The following PAK4 variants were observed in gnomAD, a reference collection of about 807,000 sequenced individuals.
PAK4 encodes the protein serine/threonine-protein kinase PAK 4.
Under a neutral mutation model 53.5 loss-of-function variants are expected in PAK4, and 49 were observed. The ratio of observed to expected loss-of-function variants is 0.92; its 90% confidence interval spans 0.73 to 1.16. The LOEUF (loss-of-function observed/expected upper bound fraction) is 1.16, where lower values mean the gene tolerates loss of function less well. PAK4 is among the 50% of genes most tolerant of loss of function. The probability of loss-of-function intolerance (pLI) is 0.00; values close to 1 mark genes in which losing one functional copy is unlikely to be tolerated. For synonymous variants in PAK4, 376 were observed against 375.6 expected (o/e 1.00, Z -0.01); for missense variants, 824 against 850.7 (o/e 0.97, Z 0.39).
chr19:39,173,652 C>T lies in PAK4; in HGVS notation c.740C>T (p.Ser247Phe), dbSNP rs765800551. 43 of 1,580,528 alleles carry T rather than the reference C, an allele frequency of 2.7e-5. No individual in the cohort carries two copies. In the African/African-American group the frequency reaches 4.6e-4, roughly 17 times the overall value. The stretch of plus-strand genomic sequence containing the variant: ...ATCCCCCAGTCCTCCTCCTCCTCCT[C>T]CCGGCCTCCCACCCGAGCCCGAGGT... Residue 247 changes from serine (S) to phenylalanine (F), a missense_variant, in exon 4 of 9, where the codon TCC becomes TTC. Ser to Phe is a radical substitution (Grantham distance 155). Transcript: ENST00000358301. This position sits in a 1 kb window ranked among gnomAD's most constrained non-coding sequence, Gnocchi z 6.9.
rs371969916 is a variant in PAK4 at position 39,126,185 on chromosome 19, C to T, written c.-23+266C>T. Among the ~76,000 whole-genome samples, 17 of 152,008 alleles carry T rather than the reference C, an allele frequency of 1.1e-4. No homozygotes were observed. The South Asian group carries it at 2.7e-3, about 24-fold the overall frequency. ...CGTTCGAGGGGTTCTGGGCGAGTCT[C>T]AAAAAAGGCAGGGTCAAAGTTAATA... is the stretch of plus-strand genomic sequence containing the variant. On this transcript the variant is annotated intron_variant, in intron 1 of 8. Transcript: ENST00000358301.
chr19:39,136,826 C>T (rs1364379708), intron 1 of PAK4, among the ~76,000 whole-genome samples: 1 of 152,188 alleles, frequency 6.6e-6, no homozygotes, highest in Non-Finnish European at 1.5e-5. Flanking sequence ...GGGGACCCGC[C>T]CTGGGTGGGG....
intron 1 of PAK4, among the ~76,000 whole-genome samples, chr19:39,158,124 C>T (rs555408411): frequency 1.8e-3 from 262 of 149,382 alleles, no homozygotes; most frequent in African/African-American, 5.8e-3. Flanking sequence ...TGTGTGAGTG[C>T]GTGCGTGCAT....
intron 1 of PAK4, among the ~76,000 whole-genome samples, chr19:39,136,014 G>A (rs1341108385): frequency 3.2e-5 from 3 of 93,594 alleles, no homozygotes; most frequent in South Asian, 4.3e-4. Context: ...CCCCTTCTTC[G>A]TCACCCCCCT....
At chr19:39,179,801 G>A (rs755594516), downstream of PAK4, 5 of 152,282 alleles carry the variant, frequency 3.3e-5, no homozygotes, top group Non-Finnish European at 5.9e-5. Flanking sequence ...GATTGACTGA[G>A]GCTGACTGGC....
intron 1 of PAK4, among the ~76,000 whole-genome samples, chr19:39,126,796 C>G (rs1232544394): frequency 6.6e-6 from 1 of 152,166 alleles, no homozygotes; most frequent in Non-Finnish European, 1.5e-5. Flanking sequence ...CCTGTGTGCC[C>G]GGTCGTATTT....
chr19:39,176,419 G>T (rs1439362660), intron 6 of PAK4, 171 bp from the exon 8 acceptor site: 19 of 810,028 alleles, frequency 2.3e-5, no homozygotes, highest in Non-Finnish European at 3.8e-5. Context: ...CCAGGAGGTG[G>T]TGGAGCTCCC....
At chr19:39,160,128 A>G (rs927638765) in intron 1 of PAK4, among the ~76,000 whole-genome samples, 1 of 152,196 alleles carries the variant, frequency 6.6e-6, no homozygotes, top group African/African-American at 2.4e-5. Context: ...CTTGCTGAAC[A>G]GCCAGATTCA....
intron 1 of PAK4, among the ~76,000 whole-genome samples, chr19:39,144,779 A>AGT (rs3057072): frequency 0.23 from 34,771 of 151,418 alleles, 4,317 homozygotes; most frequent in East Asian, 0.45. Flanking sequence ...CATGTGTGTG[A>AGT]GTGTGTGTGT....
At chr19:39,176,933 A>G (rs1284524607) in intron 7 of PAK4, among the ~76,000 whole-genome samples, 2 of 151,616 alleles carry the variant, frequency 1.3e-5, no homozygotes, top group Admixed American at 6.6e-5. Flanking sequence ...CAGTGGTGCA[A>G]TCTCAGCTCA....
chr19:39,152,898 A>G (rs1434619727), intron 1 of PAK4, among the ~76,000 whole-genome samples: 2 of 152,084 alleles, frequency 1.3e-5, no homozygotes, highest in African/African-American at 2.4e-5. Flanking sequence ...CATTCAACCA[A>G]CGAAGGACTG....
Position 39,133,345 on chromosome 19 carries a change from C to T in PAK4, c.-23+7426C>T, listed in dbSNP as rs145966556. Among the ~76,000 whole-genome samples the T allele has an allele frequency of 1.1e-4, 17 of 152,304 alleles. No individual in the cohort carries two copies. The East Asian group carries it at 3.3e-3, about 29-fold the overall frequency. ...AATATTATAGCTATGTCACCAATAG[C>T]CATGTTATTAATATGAGCAGGCACT... On this transcript the variant is annotated intron_variant, in intron 1 of 8. Transcript: ENST00000358301.
intron 1 of PAK4, among the ~76,000 whole-genome samples, chr19:39,132,183 C>T (rs1348761358): frequency 1.3e-5 from 2 of 152,192 alleles, no homozygotes; most frequent in Admixed American, 1.3e-4. Flanking sequence ...TGTTTTTAAC[C>T]TCGTTTCTCT....
intron 1 of PAK4, among the ~76,000 whole-genome samples, chr19:39,150,873 T>C (rs1164473900): frequency 6.6e-6 from 1 of 152,246 alleles, no homozygotes; most frequent in Non-Finnish European, 1.5e-5. Context: ...CCAGCCAGTG[T>C]GTGTCCGCTG....
intron 1 of PAK4, among the ~76,000 whole-genome samples, chr19:39,130,287 G>T (rs979504198): frequency 3.3e-5 from 5 of 151,050 alleles, no homozygotes; most frequent in Non-Finnish European, 5.9e-5. Flanking sequence ...AGGCAGAGGG[G>T]TCAGGGCGGG....
At chr19:39,128,327 G>C (rs2073630345) in intron 1 of PAK4, among the ~76,000 whole-genome samples, 1 of 152,272 alleles carries the variant, frequency 6.6e-6, no homozygotes, top group South Asian at 2.1e-4. Context: ...GACAGTGGAG[G>C]CCCTCGCTCC....
chr19:39,177,677 A>G (rs2074634619), exon 8 of PAK4: 2 of 1,612,214 alleles, frequency 1.2e-6, no homozygotes, highest in Admixed American at 1.7e-5. Flanking sequence ...CGCCCCAGGT[A>G]GACATCTGGT....
At position 39,172,769 on chromosome 19, in the gene PAK4, C is replaced by G. The variant is rs527278851; in HGVS notation, c.205-149C>G. 33 of 708,436 alleles carry G rather than the reference C, an allele frequency of 4.7e-5. No homozygotes were observed. The African/African-American group carries it at 5.0e-4, about 11-fold the overall frequency. The allele number at this position is 708,436 out of a possible 1,614,324, so 43.9% of individuals were successfully genotyped here. On this transcript the variant is annotated intron_variant, in intron 2 of 8. Transcript: ENST00000358301. The stretch of plus-strand genomic sequence containing the variant: ...CCAGGGAGGGGAGGGGCTGCACTGC[C>G]CATGCCATTGTCACTCCATGGCATC...
rs368268877 is a variant in PAK4 at position 39,177,665 on chromosome 19, C to T, written c.1486-10C>T. 1.5e-5 allele frequency: 24 copies of T among 1,609,852 alleles called. No individual in the cohort carries two copies. The African/African-American group carries it at 2.4e-4, about 16-fold the overall frequency. The stretch of plus-strand genomic sequence containing the variant: ...ACAGCTCAGCCCTGCTGTCCCTTCT[C>T]CCGCCCCAGGTAGACATCTGGTCGC... On this transcript the variant is annotated splice_polypyrimidine_tract_variant and intron_variant, in intron 7 of 8. Transcript: ENST00000358301.
Sources: allele counts gnomAD v4.1 joint callset (sites outside exome capture counted in the v4.1 genomes callset), GRCh38; gene constraint gnomAD v4.1.1; non-coding constraint Gnocchi (gnomAD v3.1); transcripts MANE v1.5; gene names NCBI Gene and HGNC (gene_info 2026-07-23, HGNC 2026-07-21).